DIP2C: variants seen among roughly 807,000 people sequenced by gnomAD.
DIP2C encodes the protein disco-interacting protein 2 homolog C.
DIP2C carries 33 observed loss-of-function variants against 192.4 expected under a neutral mutation model. The observed-to-expected ratio is 0.17, with a 90% CI of 0.13 to 0.23. DIP2C has a LOEUF of 0.23. DIP2C is among the 10% of genes least tolerant of loss of function. The pLI is 1.00. For synonymous variants in DIP2C, 979 were observed against 864.1 expected (o/e 1.13, Z -2.33); for missense variants, 1,537 against 2,110.1 (o/e 0.73, Z 5.32).
chr10:535,369 A>C (rs926557066), intron 1 of DIP2C, among the ~76,000 whole-genome samples: 2 of 150,904 alleles, frequency 1.3e-5, no homozygotes, highest in Non-Finnish European at 2.9e-5. Flanking sequence ...GCTCCGGCCA[A>C]AGCCACGCTT....
At chr10:279,454 G>A (rs1954697523) in intron 36 of DIP2C, among the ~76,000 whole-genome samples, 1 of 152,220 alleles carries the variant, frequency 6.6e-6, no homozygotes. Flanking sequence ...CTCTGCCAGG[G>A]ACCTATGGGG....
chr10:580,445 ACATG>A (rs958357599), intron 1 of DIP2C, among the ~76,000 whole-genome samples: 1 of 152,216 alleles, frequency 6.6e-6, no homozygotes, highest in African/African-American at 2.4e-5. Flanking sequence ...GGCGTTAAAT[ACATG>A]CATGTATGTA....
chr10:602,493 G>A lies in DIP2C; in HGVS notation c.85+87001C>T, dbSNP rs553730846. On this transcript the variant is annotated intron_variant, in intron 1 of 36. Coordinates refer to ENST00000280886, the MANE Select transcript of DIP2C (RefSeq NM_014974.3). ...TTTGGGAGGCCTCGCTCTCAGGACC[G>A]GGGTTGGTGTCCTTGTTGGAAGGCC... Among the ~76,000 whole-genome samples the A allele has an allele frequency of 9.0e-4, 137 of 152,328 alleles. 1 individual carries two copies. Among genetic ancestry groups the A allele is most frequent in the African/African-American group, 2.5e-3 (103 of 41,578 alleles).
chr10:443,509 G>A (rs1967912783), intron 3 of DIP2C, among the ~76,000 whole-genome samples: 1 of 152,092 alleles, frequency 6.6e-6, no homozygotes, highest in African/African-American at 2.4e-5. Flanking sequence ...GCTGTCACTG[G>A]GGGTCTCTGC....
chr10:389,936 G>A, intron 13 of DIP2C, 55 bp downstream of exon 13: 5 of 1,418,486 alleles, frequency 3.5e-6, no homozygotes, highest in Non-Finnish European at 4.9e-6. Context: ...TGGCCTTCGT[G>A]TCAGGTGTCC....
intron 3 of DIP2C, among the ~76,000 whole-genome samples, chr10:469,316 T>G (rs1469422282): frequency 1.0e-3 from 6 of 5,834 alleles, no homozygotes; most frequent in Non-Finnish European, 0.01. Flanking sequence ...CTGGTACTGA[T>G]TTTTTTTTTT....
At chr10:485,024 T>G in intron 2 of DIP2C, 1 of 1,484,180 alleles carries the variant, frequency 6.7e-7, no homozygotes, top group Non-Finnish European at 9.0e-7. Flanking sequence ...TGAGCAGAGC[T>G]GCCGACCCCA....
chr10:566,588 C>T (rs1456855476), intron 1 of DIP2C, among the ~76,000 whole-genome samples: 2 of 152,242 alleles, frequency 1.3e-5, no homozygotes, highest in Non-Finnish European at 2.9e-5. Flanking sequence ...CTTTTCCTGC[C>T]CTCTCCAGAG....
chr10:653,722 G>A (rs1164358330), intron 1 of DIP2C, among the ~76,000 whole-genome samples: 12 of 152,242 alleles, frequency 7.9e-5, no homozygotes. Flanking sequence ...GTGGGGAACA[G>A]ACGGCCCACC....
At chr10:458,884 A>AG (rs996761227) in intron 3 of DIP2C, among the ~76,000 whole-genome samples, 2 of 152,192 alleles carry the variant, frequency 1.3e-5, no homozygotes, top group African/African-American at 4.8e-5. Context: ...AAAGAATACT[A>AG]GAACACAAGT....
chr10:617,655 A>ACCCCCCCCC (rs3049602), intron 1 of DIP2C, among the ~76,000 whole-genome samples: 21 of 132,440 alleles, frequency 1.6e-4, no homozygotes, highest in African/African-American at 3.1e-4. Context: ...TGTGGATACC[A>ACCCCCCCCC]CCCCCCCACC....
At chr10:385,343 G>T (rs1463579805) in intron 14 of DIP2C, among the ~76,000 whole-genome samples, 1 of 152,180 alleles carries the variant, frequency 6.6e-6, no homozygotes, top group African/African-American at 2.4e-5. Context: ...GACTTCCCAA[G>T]GTCTCCCTCG....
At position 311,918 on chromosome 10, in the gene DIP2C, T is replaced by C. The variant is rs113518022; in HGVS notation, c.3925-1826A>G. 1.7e-3 allele frequency among the ~76,000 whole-genome samples: 260 copies of C among 151,910 alleles called. 1 individual carries two copies. Among genetic ancestry groups the C allele is most frequent in the African/African-American group, 5.7e-3 (237 of 41,332 alleles). ...TGCACCGTGTCACTCACGGTGCTCT[T>C]TCTTTCTGAGGGACGCGGGAGTGCA... is the stretch of plus-strand genomic sequence containing the variant. On this transcript the variant is annotated intron_variant, in intron 31 of 36. Coordinates refer to ENST00000280886, the MANE Select transcript of DIP2C (RefSeq NM_014974.3).
intron 2 of DIP2C, among the ~76,000 whole-genome samples, chr10:482,755 G>C (rs1843699382): frequency 6.6e-6 from 1 of 152,196 alleles, no homozygotes; most frequent in Non-Finnish European, 1.5e-5. Context: ...GTGAGGCCTT[G>C]TTATCCAAGT....
At chr10:508,555 C>CTA (rs1245280770) in intron 1 of DIP2C, among the ~76,000 whole-genome samples, 1 of 152,190 alleles carries the variant, frequency 6.6e-6, no homozygotes, top group Admixed American at 6.5e-5. Flanking sequence ...CTGTGAGCCG[C>CTA]TAAGCTCTTC....
chr10:656,810 G>A (rs951582305), intron 1 of DIP2C, among the ~76,000 whole-genome samples: 3 of 152,168 alleles, frequency 2.0e-5, no homozygotes, highest in Non-Finnish European at 4.4e-5. Context: ...ACTGAGACAG[G>A]TACCAAGGCT....
chr10:552,954 T>C (rs1364329220), intron 1 of DIP2C, among the ~76,000 whole-genome samples: 1 of 152,244 alleles, frequency 6.6e-6, no homozygotes, highest in Non-Finnish European at 1.5e-5. Context: ...GGCCGAGCCT[T>C]TGCTCAGCAG....
chr10:289,969 C>A (rs1955402208), intron 32 of DIP2C, among the ~76,000 whole-genome samples: 1 of 152,198 alleles, frequency 6.6e-6, no homozygotes, highest in Non-Finnish European at 1.5e-5. Context: ...GACAATTCCT[C>A]CCCCCAGCCT....
chr10:632,470 C>T (rs1251166), intron 1 of DIP2C, among the ~76,000 whole-genome samples: 6 of 106,006 alleles, frequency 5.7e-5, no homozygotes, highest in Admixed American at 9.5e-5. Context: ...CGGCCAGCAC[C>T]GTAACTGGAG....
Sources: allele counts gnomAD v4.1 joint callset (sites outside exome capture counted in the v4.1 genomes callset), GRCh38; gene constraint gnomAD v4.1.1; transcripts MANE v1.5; gene names NCBI Gene and HGNC (gene_info 2026-07-23, HGNC 2026-07-21).